The following SLC41A3 variants were observed in gnomAD, a reference collection of about 807,000 sequenced individuals.
SLC41A3 encodes the protein SLC41A1-like 2.
SLC41A3 carries 44 observed loss-of-function variants against 45.4 expected under a neutral mutation model. That is an observed-to-expected ratio of 0.97 (90% CI 0.76 to 1.25). SLC41A3 has a LOEUF of 1.25. Ranked by LOEUF, SLC41A3 falls within the 50% of genes most tolerant of loss-of-function variation. The probability of loss-of-function intolerance (pLI) is 0.00; values close to 1 mark genes in which losing one functional copy is unlikely to be tolerated. For missense variants in SLC41A3, 550 were observed against 600.6 expected, an observed-to-expected ratio of 0.92 and a Z score of 0.88; for synonymous variants, 256 against 252.4, an observed-to-expected ratio of 1.01 and a Z score of -0.13.
At chr3:126,077,391 A>C (rs754161955) in intron 1 of SLC41A3, among the ~76,000 whole-genome samples, 2 of 152,106 alleles carry the variant, frequency 1.3e-5, no homozygotes, top group Non-Finnish European at 2.9e-5. Context: ...AAAATAAATA[A>C]ATAAATAAAT....
chr3:126,074,017 T>A (rs1200458859), intron 1 of SLC41A3, among the ~76,000 whole-genome samples: 2 of 152,120 alleles, frequency 1.3e-5, no homozygotes, highest in African/African-American at 4.8e-5. Flanking sequence ...ATTTCAGGAA[T>A]GCAAAGTTGG....
At chr3:126,047,411 A>G (rs530309841) in intron 3 of SLC41A3, among the ~76,000 whole-genome samples, 1 of 152,344 alleles carries the variant, frequency 6.6e-6, no homozygotes, top group African/African-American at 2.4e-5. Flanking sequence ...ACAGAAAAAT[A>G]CATTTATAGA....
intron 1 of SLC41A3, among the ~76,000 whole-genome samples, chr3:126,091,214 A>G (rs1488696784): frequency 6.6e-6 from 1 of 152,206 alleles, no homozygotes; most frequent in Non-Finnish European, 1.5e-5. Flanking sequence ...ATGTAGACCA[A>G]AAAGTATCTG....
At chr3:126,057,443 C>A (rs1215038235) in intron 2 of SLC41A3, among the ~76,000 whole-genome samples, 1 of 152,220 alleles carries the variant, frequency 6.6e-6, no homozygotes. Flanking sequence ...ATTCCACAGG[C>A]ACCAGGAACA....
intron 1 of SLC41A3, among the ~76,000 whole-genome samples, chr3:126,072,640 A>G (rs1472883631): frequency 1.3e-5 from 2 of 152,236 alleles, no homozygotes; most frequent in Non-Finnish European, 2.9e-5. Flanking sequence ...GAGGTTGTAG[A>G]CAAAAGGGAA....
chr3:126,029,172 C>G (rs1417093033), intron 4 of SLC41A3, among the ~76,000 whole-genome samples: 1 of 152,154 alleles, frequency 6.6e-6, no homozygotes, highest in Non-Finnish European at 1.5e-5. Context: ...TTTGGGGGGC[C>G]AGGGGTGAAA....
At chr3:126,046,146 A>C (rs1364524750) in intron 3 of SLC41A3, among the ~76,000 whole-genome samples, 1 of 152,188 alleles carries the variant, frequency 6.6e-6, no homozygotes, top group Non-Finnish European at 1.5e-5. Flanking sequence ...CATCACTGTT[A>C]ATGGTGGCAG....
At chr3:126,046,793 C>A (rs1942989591) in intron 3 of SLC41A3, among the ~76,000 whole-genome samples, 1 of 151,810 alleles carries the variant, frequency 6.6e-6, no homozygotes, top group African/African-American at 2.4e-5. Context: ...GAAACCACTT[C>A]TCTATTAAAA....
At chr3:126,078,459 G>A (rs910440248) in intron 1 of SLC41A3, among the ~76,000 whole-genome samples, 5 of 152,052 alleles carry the variant, frequency 3.3e-5, no homozygotes, top group East Asian at 1.9e-4. Context: ...GCTATCGGCC[G>A]GCTCTCCAGG....
At chr3:126,039,227 T>C (rs935127267) in intron 3 of SLC41A3, among the ~76,000 whole-genome samples, 4 of 152,238 alleles carry the variant, frequency 2.6e-5, no homozygotes, top group African/African-American at 4.8e-5. Context: ...AAACTAAAAA[T>C]TGAACACTGG....
chr3:126,027,113 G>C (rs1486847156), intron 4 of SLC41A3, among the ~76,000 whole-genome samples: 3 of 152,248 alleles, frequency 2.0e-5, no homozygotes, highest in East Asian at 3.9e-4. Context: ...CACCATGTAG[G>C]GGGAGAAGAG....
intron 3 of SLC41A3, among the ~76,000 whole-genome samples, chr3:126,044,976 G>C (rs997882751): frequency 1.5e-5 from 2 of 137,072 alleles, no homozygotes; most frequent in Non-Finnish European, 3.1e-5. Context: ...GAAATCAATA[G>C]AAAGACAACA....
intron 3 of SLC41A3, among the ~76,000 whole-genome samples, chr3:126,036,950 C>A (rs1031973407): frequency 1.3e-5 from 2 of 152,150 alleles, no homozygotes; most frequent in Non-Finnish European, 2.9e-5. Flanking sequence ...TGCACCCAAC[C>A]TCTCCTGATA....
chr3:126,031,569 T>A (rs1478325611), intron 4 of SLC41A3, among the ~76,000 whole-genome samples: 1 of 152,176 alleles, frequency 6.6e-6, no homozygotes, highest in East Asian at 1.9e-4. Context: ...AAAAGTCCAA[T>A]GAATAAAACT....
At chr3:126,076,688 C>T (rs118143235) in intron 1 of SLC41A3, among the ~76,000 whole-genome samples, 2 of 152,226 alleles carry the variant, frequency 1.3e-5, no homozygotes, top group Admixed American at 6.5e-5. Flanking sequence ...ACAACTCATT[C>T]CTCCCCACCC....
intron 3 of SLC41A3, among the ~76,000 whole-genome samples, chr3:126,047,693 C>T (rs1485564472): frequency 1.3e-5 from 2 of 152,072 alleles, no homozygotes; most frequent in African/African-American, 4.8e-5. Context: ...TATCCACATG[C>T]AAAAGAATGA....
upstream of SLC41A3, chr3:126,084,299 G>C (rs1032474497): frequency 1.3e-5 from 2 of 152,154 alleles, no homozygotes; most frequent in Admixed American, 1.3e-4. Context: ...GGGGGGCTGG[G>C]AGCCGGGGAT....
chr3:126,076,084 T>G (rs1352893453), intron 1 of SLC41A3, among the ~76,000 whole-genome samples: 3 of 152,230 alleles, frequency 2.0e-5, no homozygotes, highest in Non-Finnish European at 4.4e-5. Context: ...TTATATCTAA[T>G]GAGGGTTTAG....
upstream of SLC41A3, chr3:126,084,512 A>G (rs1439970317): frequency 1.3e-5 from 2 of 152,188 alleles, no homozygotes; most frequent in Non-Finnish European, 2.9e-5. Flanking sequence ...TTTTGCTTTA[A>G]AAACAACAAC....
Sources: allele counts gnomAD v4.1 joint callset (sites outside exome capture counted in the v4.1 genomes callset), GRCh38; gene constraint gnomAD v4.1.1; transcripts MANE v1.5; gene names NCBI Gene and HGNC (gene_info 2026-07-23, HGNC 2026-07-21).